ABCA2: variants seen among roughly 807,000 people sequenced by gnomAD.
ABCA2 encodes the protein ATP-binding cassette sub-family A member 2.
A neutral mutation model predicts 262.8 loss-of-function variants in ABCA2; 84 were observed. That is an observed-to-expected ratio of 0.32 (90% CI 0.27 to 0.38). ABCA2 has a LOEUF of 0.38. ABCA2 is among the 10% of genes least tolerant of loss of function. The pLI, the probability that ABCA2 is intolerant of heterozygous loss-of-function variation, is 1.00. For synonymous variants in ABCA2, 1,696 were observed against 1,502.9 expected (o/e 1.13, Z -2.97); for missense variants, 2,662 against 3,405.9 (o/e 0.78, Z 5.44).
chr9:137,013,658 G>T, intron 28 of ABCA2, 95 bp from the exon 29 acceptor site: 1 of 1,393,782 alleles, frequency 7.2e-7, no homozygotes, highest in Non-Finnish European at 9.8e-7. Flanking sequence ...AGGGATCCAC[G>T]CCTGGGGTCT....
In ABCA2 at chr9:137,019,005, G is replaced by C; in HGVS notation, c.1620C>G (p.Ala540=). The part of the protein sequence containing the change: ...LNLSLDELPP[A]LRQDNFSLPS... ...GCAGCGAGAAGTTGTCCTGTCTCAG[G>C]GCCGGCGGCAGCTCATCCAGTGACA... The change falls in exon 12 of 49, where the codon GCC becomes GCG. Residue 540 remains alanine, a synonymous_variant. Coordinates refer to ENST00000341511, the MANE Select transcript of ABCA2 (RefSeq NM_001606.5). The surrounding 1 kb of genome is among the most constrained non-coding windows in gnomAD (Gnocchi z 4.4). The C allele has an allele frequency of 6.2e-7, 1 of 1,612,932 alleles. No homozygotes were observed. The highest frequency in any genetic ancestry group is 8.5e-7 in the Non-Finnish European group (1 of 1,179,854).
Position 137,018,780 on chromosome 9 carries a change from C to CTCG in ABCA2, c.1755_1757dup (p.Asp585dup). 6.2e-7 allele frequency: 1 copy of CTCG among 1,612,674 alleles called. No individual in the cohort carries two copies. The highest frequency in any genetic ancestry group is 8.5e-7 in the Non-Finnish European group (1 of 1,179,866). On this transcript the variant is annotated inframe_insertion, in exon 13 of 49. Transcript: ENST00000341511. Reference sequence around the variant, plus strand: ...TGAGGGTGTAGTTGACAATGCTCTCCTCGTCGGGGAAGCCCTTGAAGATGT... The same window carrying CTCG: ...TGAGGGTGTAGTTGACAATGCTCTCCTCGTCGTCGGGGAAGCCCTTGAAGATGT...
In ABCA2 at chr9:137,011,503, G is replaced by A; in HGVS notation, c.5703C>T (p.Pro1901=). Residue 1901 remains proline, a synonymous_variant, in exon 37 of 49, where the codon CCC becomes CCT. Coordinates refer to ENST00000341511, the MANE Select transcript of ABCA2 (RefSeq NM_001606.5). The surrounding 1 kb of genome is among the most constrained non-coding windows in gnomAD (Gnocchi z 8.8). ...MYPASFWFEV[P]SSAYVFLIVI... is the part of the protein sequence containing the mutation. The stretch of plus-strand genomic sequence containing the variant: ...CAATGAGGAACACGTAGGCGGAGCT[G>A]GGGACCTCGAACCAGAAGGAGGCCG... 6.2e-7 allele frequency: 1 copy of A among 1,600,558 alleles called. No individual in the cohort carries two copies. Among genetic ancestry groups the A allele is most frequent in the Non-Finnish European group, 8.5e-7 (1 of 1,173,820 alleles).
Position 137,019,211 on chromosome 9 carries a change from G to T in ABCA2, c.1521C>A (p.Gly507=), listed in dbSNP as rs1187504418. 2.5e-6 allele frequency: 4 copies of T among 1,612,526 alleles called. No homozygotes were observed. The highest frequency in any genetic ancestry group is 3.4e-6 in the Non-Finnish European group (4 of 1,179,900). Residue 507 remains glycine, a synonymous_variant, in exon 11 of 49, where the codon GGC becomes GGA. Coordinates refer to ENST00000341511, the MANE Select transcript of ABCA2 (RefSeq NM_001606.5). This position sits in a 1 kb window ranked among gnomAD's most constrained non-coding sequence, Gnocchi z 4.4. ...SAEIRSFLEQ[G]RLQQHLRWLQ... ...GCCAGCGCAGGTGTTGCTGCAGCCTGCCCTGCTCCAGGAAGCTGCGGATCT... is the reference window on the plus strand; with the variant it reads ...GCCAGCGCAGGTGTTGCTGCAGCCTTCCCTGCTCCAGGAAGCTGCGGATCT...
intron 13 of ABCA2, 56 bp downstream of exon 13, chr9:137,018,663 G>A: frequency 3.5e-6 from 5 of 1,434,288 alleles, no homozygotes; most frequent in African/African-American, 1.5e-5. Context: ...GGTGGGGCTG[G>A]GCTGGGGAGG....
chr9:137,022,675 C>T (rs997496944), intron 5 of ABCA2, 27 bp downstream of exon 5: 1 of 1,597,332 alleles, frequency 6.3e-7, no homozygotes, highest in Non-Finnish European at 8.5e-7. Context: ...GCAGCCCTGC[C>T]CCCCAACTTC....
chr9:137,021,513 C>T lies in ABCA2; in HGVS notation c.776G>A (p.Gly259Glu). Residue 259 changes from glycine to glutamate, a missense_variant, in exon 8 of 49, where the codon GGA (glycine) becomes GAA (glutamate). This residue lies in a region of ABCA2 where 403 missense variants were observed against 375.9 expected (regional missense o/e 1.07). Coordinates refer to ENST00000341511, the MANE Select transcript of ABCA2 (RefSeq NM_001606.5). The surrounding 1 kb of genome is among the most constrained non-coding windows in gnomAD (Gnocchi z 6.0). ...AGCATCCCGGTAGCCCTGCAGGGCT[C>T]CCTTCTGACTCTCAGGCACAGTGAG... ...RILTVPESQKGALQGYRDAVC... is the reference protein window; with the variant it reads ...RILTVPESQKEALQGYRDAVC... 2 of 1,606,182 alleles carry T rather than the reference C, an allele frequency of 1.2e-6. No homozygotes were observed. The highest frequency in any genetic ancestry group is 1.7e-6 in the Non-Finnish European group (2 of 1,177,058).
rs773928914 is a variant in ABCA2, at chr9:137,014,255, C to T, written c.4153G>A (p.Asp1385Asn). ...ACGTCGGTGTAGCCAGCTCCCTCGT[C>T]GCCACGGGCAGAGCCCACAGATGAC... ...SASSVGSARG[D>N]EGAGYTDVYG... Residue 1385 changes from aspartate to asparagine, a missense_variant, in exon 27 of 49, where the codon GAC (aspartate) becomes AAC (asparagine). This residue lies in a region of ABCA2 where 297 missense variants were observed against 286.5 expected (regional missense o/e 1.04). Transcript: ENST00000341511. The T allele has an allele frequency of 2.1e-5, 34 of 1,610,802 alleles. No individual in the cohort carries two copies. The highest frequency in any genetic ancestry group is 1.1e-4 in the East Asian group (5 of 44,820).
chr9:137,014,130 C>T (rs1328162877), intron 27 of ABCA2, 38 bp downstream of exon 27: 2 of 1,595,030 alleles, frequency 1.3e-6, no homozygotes, highest in Non-Finnish European at 1.7e-6. Context: ...CCCTGCTCCC[C>T]CTCCCTTGCT....
rs748672708 is a variant in ABCA2, at chr9:137,020,518, G to C, written c.1266-23C>G. 7 of 1,566,300 alleles carry C rather than the reference G, an allele frequency of 4.5e-6. No individual in the cohort carries two copies. The African/African-American group carries it at 9.4e-5, about 21-fold the overall frequency. On this transcript the variant is annotated intron_variant, in intron 9 of 48. Coordinates refer to ENST00000341511, the MANE Select transcript of ABCA2 (RefSeq NM_001606.5). Reference sequence around the variant, plus strand: ...GTGCTGGGGTAGGGGACAGGGGGCCGGGCCAGGCCGTTAGGGGGCAGGGCC... The same window carrying C: ...GTGCTGGGGTAGGGGACAGGGGGCCCGGCCAGGCCGTTAGGGGGCAGGGCC...
At chr9:137,015,648 C>G in intron 23 of ABCA2, 27 bp downstream of exon 23, 1 of 1,610,244 alleles carries the variant, frequency 6.2e-7, no homozygotes. Context: ...GCCGCCCGCA[C>G]CCCTGCCCAC....
rs201178996 is a variant in ABCA2 at position 137,018,933 on chromosome 9, C to T, written c.1692G>A (p.Ala564=). ...ACATGAACTGGATCCAGCCGCAGGC[C>T]GCGTTGTCAATGGTATCCAGCTGCT... is the stretch of plus-strand genomic sequence containing the variant. ...LLQQLDTIDN[A]ACGWIQFMSK... is the part of the protein sequence containing the mutation. The change falls in exon 12 of 49, where the codon GCG becomes GCA. Residue 564 remains alanine (A), a synonymous_variant. Coordinates refer to ENST00000341511, the MANE Select transcript of ABCA2 (RefSeq NM_001606.5). 6.8e-6 allele frequency: 11 copies of T among 1,612,724 alleles called. No individual in the cohort carries two copies. In the East Asian group the frequency reaches 8.9e-5, roughly 13 times the overall value.
chr9:137,010,163 G>A (rs746255761), intron 41 of ABCA2, 30 bp downstream of exon 41: 35 of 1,593,052 alleles, frequency 2.2e-5, no homozygotes, highest in South Asian at 1.3e-4. Flanking sequence ...AGGACGCGGC[G>A]GCCCCGCCCA....
rs374853474 is a variant in ABCA2 at position 137,008,988 on chromosome 9, C to G, written c.6893G>C (p.Arg2298Pro). ...KSSQSVKDVV[R>P]FFNRNFPEAM... ...TTCCGGGAAGTTGCGGTTGAAGAAC[C>G]GCACCACGTCCTTCACACTCTGGCT... The change falls in exon 46 of 49, where the codon CGG becomes CCG. Residue 2298 changes from arginine (R) to proline (P), a missense_variant. By Grantham distance (103) the Arg-to-Pro change is moderately radical. Transcript: ENST00000341511. 1.9e-6 allele frequency: 3 copies of G among 1,606,918 alleles called. No homozygotes were observed. The highest frequency in any genetic ancestry group is 1.1e-5 in the South Asian group (1 of 91,008).
intron 10 of ABCA2, 93 bp downstream of exon 10, chr9:137,020,243 A>T: frequency 6.4e-7 from 1 of 1,559,890 alleles, no homozygotes; most frequent in East Asian, 2.3e-5. Flanking sequence ...TCCCGTGTCA[A>T]TTCTGCCGAC....
At chr9:137,020,582 G>C in intron 9 of ABCA2, 87 bp from the exon 10 acceptor site, 2 of 1,546,162 alleles carry the variant, frequency 1.3e-6, no homozygotes, top group Non-Finnish European at 1.7e-6. Flanking sequence ...GCAGGACTTC[G>C]GGGCACAGGG....
Position 137,021,362 on chromosome 9 carries a change from G to A in ABCA2, c.897+30C>T, listed in dbSNP as rs773526407. ...TCCTTCAACTCAGGCAGCAAGCAGC[G>A]CAGCGGGCAGTGGGCAGGCAGGGCC... On this transcript the variant is annotated intron_variant, in intron 8 of 48. Transcript: ENST00000341511. The surrounding 1 kb of genome is among the most constrained non-coding windows in gnomAD (Gnocchi z 6.0). 103 of 1,596,814 alleles carry A rather than the reference G, an allele frequency of 6.5e-5. No homozygotes were observed. The highest frequency in any genetic ancestry group is 7.6e-5 in the Non-Finnish European group (89 of 1,176,596).
chr9:137,014,769 G>A lies in ABCA2; in HGVS notation c.3924C>T (p.Phe1308=), dbSNP rs201975498. Residue 1308 remains phenylalanine, a synonymous_variant, in exon 26 of 49, where the codon TTC becomes TTT. Transcript: ENST00000341511. The part of the protein sequence containing the change: ...RSLDALHLSS[F]GLMDTTLEEV... ...CCTCCAGGGTCGTGTCCATCAGCCC[G>A]AAGCTGCTGAGGTGCAGTGCATCCA... is the stretch of plus-strand genomic sequence containing the variant. 29 of 1,600,266 alleles carry A rather than the reference G, an allele frequency of 1.8e-5. No individual in the cohort carries two copies. The highest frequency in any genetic ancestry group is 1.3e-4 in the African/African-American group (10 of 74,860).
intron 14 of ABCA2, 25 bp downstream of exon 14, chr9:137,018,153 C>G (rs1366303935): frequency 6.2e-7 from 1 of 1,610,392 alleles, no homozygotes; most frequent in Non-Finnish European, 8.5e-7. Flanking sequence ...AATCCTCCAG[C>G]CGGTCTTCCG....
Sources: gnomAD v4.1 joint callset for allele counts on GRCh38, gnomAD v4.1.1 for gene constraint, gnomAD v4.1.1 regional missense constraint, Gnocchi (gnomAD v3.1) non-coding constraint, MANE v1.5 for transcripts, NCBI Gene and HGNC (gene_info 2026-07-23, HGNC 2026-07-21) for gene names.